Variants in CLVS2 observed in about 807,000 individuals in gnomAD.
CLVS2 encodes the protein clavesin-2.
Under a neutral mutation model 29.0 loss-of-function variants are expected in CLVS2, and 19 were observed. The ratio of observed to expected loss-of-function variants is 0.66; its 90% CI spans 0.46 to 0.96. The LOEUF (loss-of-function observed/expected upper bound fraction) is 0.96, where lower values mean the gene tolerates loss of function less well. Among genes scored for constraint, CLVS2 ranks in the 40% least tolerant of loss-of-function variants. The pLI is 0.00. For missense variants in CLVS2, 294 were observed against 404.1 expected, an observed-to-expected ratio of 0.73 and a Z score of 2.34; for synonymous variants, 161 against 151.3, an observed-to-expected ratio of 1.06 and a Z score of -0.47.
intron 5 of CLVS2, among the ~76,000 whole-genome samples, chr6:123,057,415 T>C (rs1477196244): frequency 7.1e-6 from 1 of 140,528 alleles, no homozygotes; most frequent in African/African-American, 2.7e-5. Context: ...GGCGCGATCA[T>C]GATTCACTGC....
intron 3 of CLVS2, among the ~76,000 whole-genome samples, chr6:123,040,056 C>T (rs1775206195): frequency 6.6e-6 from 1 of 152,106 alleles, no homozygotes; most frequent in African/African-American, 2.4e-5. Flanking sequence ...AACATCGTAT[C>T]AAGGGTCCAG....
chr6:123,049,976 T>C (rs7745294), intron 4 of CLVS2, among the ~76,000 whole-genome samples: 17,485 of 152,196 alleles, frequency 0.11, 2,973 homozygotes, highest in African/African-American at 0.37. Flanking sequence ...ATTACACGTC[T>C]ATATCAAGCA....
At chr6:123,047,687 G>C (rs1419692715) in intron 3 of CLVS2, among the ~76,000 whole-genome samples, 1 of 151,370 alleles carries the variant, frequency 6.6e-6, no homozygotes, top group Non-Finnish European at 1.5e-5. Flanking sequence ...GCTCTAAATA[G>C]AATTCAGAAG....
chr6:123,036,888 C>T (rs1409561093), intron 3 of CLVS2, among the ~76,000 whole-genome samples: 1 of 152,116 alleles, frequency 6.6e-6, no homozygotes, highest in Non-Finnish European at 1.5e-5. Context: ...GATTGGAAAT[C>T]ATCACTCTGG....
rs1772971191 is a variant in CLVS2 at position 123,072,848 on chromosome 6, C to G, written c.*9087C>G. 1 of 151,744 alleles carries G rather than the reference C, an allele frequency of 6.6e-6. No individual in the cohort carries two copies. The highest frequency in any genetic ancestry group is 2.1e-4 in the South Asian group (1 of 4,820). 9.4% of individuals were successfully genotyped at this position (151,744 alleles called of 1,614,324 possible). A position where few individuals can be genotyped will look rare whatever the true frequency, so the allele number is the denominator to read the frequency against. On this transcript the variant is annotated 3_prime_UTR_variant, in exon 6 of 6. Transcript: ENST00000275162. ...TATTAATATTTTATTTCTTTTTTTG[C>G]AGAGAAACTATTGTCTTTTTTGATT...
At chr6:123,045,073 A>G (rs1772464907) in intron 3 of CLVS2, among the ~76,000 whole-genome samples, 1 of 152,112 alleles carries the variant, frequency 6.6e-6, no homozygotes, top group African/African-American at 2.4e-5. Flanking sequence ...ATTGTGAATC[A>G]GAGAAGATAG....
chr6:123,061,164 G>T (rs1156921565), intron 5 of CLVS2, among the ~76,000 whole-genome samples: 1 of 152,152 alleles, frequency 6.6e-6, no homozygotes, highest in Non-Finnish European at 1.5e-5. Context: ...AGCCAGGCAT[G>T]GTGGTGCACG....
At chr6:123,038,147 A>C (rs1208443366) in intron 3 of CLVS2, among the ~76,000 whole-genome samples, 1 of 152,082 alleles carries the variant, frequency 6.6e-6, no homozygotes, top group Admixed American at 6.6e-5. Flanking sequence ...ACACTCTTCT[A>C]CCAGATTCTT....
chr6:123,039,816 G>C (rs1156967065), intron 3 of CLVS2, among the ~76,000 whole-genome samples: 1 of 152,168 alleles, frequency 6.6e-6, no homozygotes, highest in African/African-American at 2.4e-5. Flanking sequence ...GTTTTACTTT[G>C]AGAAATAGGT....
At chr6:123,035,258 A>G (rs928865957) in intron 3 of CLVS2, among the ~76,000 whole-genome samples, 9 of 151,172 alleles carry the variant, frequency 6.0e-5, no homozygotes, top group African/African-American at 2.2e-4. Flanking sequence ...TTTTTTTTTC[A>G]TGTGAGGATT....
In CLVS2 at chr6:122,996,273, G is replaced by A; in HGVS notation, c.-1033G>A. The A allele has an allele frequency of 6.4e-6, 1 of 156,584 alleles. No homozygotes were observed. The highest frequency in any genetic ancestry group is 1.4e-5 in the Non-Finnish European group (1 of 71,526). 9.7% of individuals were successfully genotyped at this position (156,584 alleles called of 1,614,324 possible). A position where few individuals can be genotyped will look rare whatever the true frequency, so the allele number is the denominator to read the frequency against. On this transcript the variant is annotated 5_prime_UTR_variant, in exon 1 of 6. Transcript: ENST00000275162. ...AGCAGCAGCCGGAGCCGCCGCCGCA[G>A]CCCGGTGGGGCAACCCTGACTCGGA... is the stretch of plus-strand genomic sequence containing the variant.
chr6:123,068,103 C>G lies in CLVS2; in HGVS notation c.*4342C>G, dbSNP rs1450987470. 6.6e-6 allele frequency: 1 copy of G among 151,190 alleles called. No individual in the cohort carries two copies. The highest frequency in any genetic ancestry group is 6.6e-5 in the Admixed American group (1 of 15,116). 9.4% of individuals were successfully genotyped at this position (151,190 alleles called of 1,614,324 possible). ...ATAGTGCTGTGGATTCTGTTATGTACTAACTATGGGAATGAATTCTCCAGT... is the reference window on the plus strand; with the variant it reads ...ATAGTGCTGTGGATTCTGTTATGTAGTAACTATGGGAATGAATTCTCCAGT... On this transcript the variant is annotated 3_prime_UTR_variant, in exon 6 of 6. Coordinates refer to ENST00000275162, the MANE Select transcript of CLVS2 (RefSeq NM_001010852.4).
rs373966053 is a variant in CLVS2, at chr6:123,011,748, CAT to C, written c.564+592_564+593del. Among the ~76,000 whole-genome samples, 3 of 152,014 alleles carry C rather than the reference CAT, an allele frequency of 2.0e-5. No homozygotes were observed. In the East Asian group the frequency reaches 5.8e-4, roughly 29 times the overall value. On this transcript the variant is annotated intron_variant, in intron 3 of 5. Transcript: ENST00000275162. ...TACTTGGGAATTAGAAGATGGGAAA[CAT>C]ATTATTATTTAGTGGTCTGTCATAA...
At chr6:123,047,704 G>A (rs936069667) in intron 3 of CLVS2, among the ~76,000 whole-genome samples, 2 of 151,158 alleles carry the variant, frequency 1.3e-5, no homozygotes, top group East Asian at 1.9e-4. Context: ...GAAGAATGCC[G>A]AGTATTATGA....
rs769820536 is a variant in CLVS2, at chr6:122,997,952, C to A, written c.175C>A (p.Arg59=). 1.1e-5 allele frequency: 17 copies of A among 1,613,992 alleles called. No individual in the cohort carries two copies. Among genetic ancestry groups the A allele is most frequent in the East Asian group, 2.2e-5 (1 of 44,880 alleles). Reference sequence around the variant, plus strand: ...TGATGCCTTCATCTTACGCTTCTTGCGGGCTAGGAAGTTTCATCACTTTGA... The same window carrying A: ...TGATGCCTTCATCTTACGCTTCTTGAGGGCTAGGAAGTTTCATCACTTTGA... ...TDDAFILRFL[R]ARKFHHFEAF... The change falls in exon 2 of 6, where the codon CGG becomes AGG. Residue 59 remains arginine, a synonymous_variant. Transcript: ENST00000275162.
chr6:123,000,753 C>T (rs1774578262), intron 2 of CLVS2, among the ~76,000 whole-genome samples: 1 of 152,202 alleles, frequency 6.6e-6, no homozygotes, highest in Non-Finnish European at 1.5e-5. Flanking sequence ...CAGAAGACTG[C>T]ATGTCTGAAA....
At chr6:123,053,575 T>C (rs1772646890) in intron 4 of CLVS2, among the ~76,000 whole-genome samples, 1 of 152,136 alleles carries the variant, frequency 6.6e-6, no homozygotes, top group South Asian at 2.1e-4. Flanking sequence ...TTTCATTCAG[T>C]GGTAAGAGAC....
chr6:123,035,570 G>T (rs1775142674), intron 3 of CLVS2, among the ~76,000 whole-genome samples: 1 of 152,058 alleles, frequency 6.6e-6, no homozygotes, highest in Non-Finnish European at 1.5e-5. Flanking sequence ...AAAAAAAAAT[G>T]AAGATTGAAA....
chr6:123,063,775 T>A lies in CLVS2; in HGVS notation c.*14T>A, dbSNP rs1772813607. 1 of 1,525,688 alleles carries A rather than the reference T, an allele frequency of 6.6e-7. No homozygotes were observed. Among genetic ancestry groups the A allele is most frequent in the Non-Finnish European group, 9.1e-7 (1 of 1,100,288 alleles). 94.5% of individuals were successfully genotyped at this position (1,525,688 alleles called of 1,614,324 possible). ...TCTCTGGACTAATAACTTCTCTACA[T>A]CCCCTTCATGGATTAGAAATGGAAA... On this transcript the variant is annotated 3_prime_UTR_variant, in exon 6 of 6. Transcript: ENST00000275162.
Sources: allele counts gnomAD v4.1 joint callset (sites outside exome capture counted in the v4.1 genomes callset), GRCh38; gene constraint gnomAD v4.1.1; transcripts MANE v1.5; gene names NCBI Gene and HGNC (gene_info 2026-07-23, HGNC 2026-07-21).